DPF1: variants seen among roughly 807,000 people sequenced by gnomAD.
The protein encoded by DPF1 is double PHD fingers 1.
In DPF1, 14 loss-of-function variants were observed where a neutral mutation model predicts 58.7. The observed-to-expected ratio is 0.24, with a 90% CI of 0.16 to 0.37. DPF1 has a LOEUF of 0.37. DPF1 is among the 10% of genes least tolerant of loss of function. The pLI is 1.00. For synonymous variants in DPF1, 216 were observed against 216.0 expected (o/e 1.00, Z 0.00); for missense variants, 345 against 529.9 (o/e 0.65, Z 3.43).
chr19:38,219,099 C>T (rs749477091), intron 3 of DPF1, 41 bp from the exon 4 acceptor site: 4 of 1,608,678 alleles, frequency 2.5e-6, no homozygotes, highest in Non-Finnish European at 3.4e-6. Flanking sequence ...GGGAAGTTGA[C>T]CCCGGAGGAC....
intron 10 of DPF1, among the ~76,000 whole-genome samples, chr19:38,212,793 T>G (rs1973552388): frequency 6.9e-6 from 1 of 145,254 alleles, no homozygotes; most frequent in Non-Finnish European, 1.5e-5. Flanking sequence ...TTTTTTTTTT[T>G]TTTTTGAGAC....
In DPF1 at chr19:38,222,305, G is replaced by A; in HGVS notation, c.298+52C>T. 6.8e-7 allele frequency: 1 copy of A among 1,464,454 alleles called. No individual in the cohort carries two copies. The allele number at this position is 1,464,454 out of a possible 1,614,324, so 90.7% of individuals were successfully genotyped here. Reference sequence around the variant, plus strand: ...GATAAAGGTGATGGACGAGTGCTAGGACACACAGCAGGCGCTGGGACACCG... The same window carrying A: ...GATAAAGGTGATGGACGAGTGCTAGAACACACAGCAGGCGCTGGGACACCG... On this transcript the variant is annotated intron_variant, in intron 3 of 11. Transcript: ENST00000355526. This position sits in a 1 kb window ranked among gnomAD's most constrained non-coding sequence, Gnocchi z 4.9.
chr19:38,223,620 A>G (rs1479246889), intron 1 of DPF1: 1 of 152,898 alleles, frequency 6.5e-6, no homozygotes, highest in Non-Finnish European at 1.5e-5. Context: ...TATAGTTCCA[A>G]AGGACACGGA....
chr19:38,227,536 A>C (rs1433277771), upstream of DPF1, among the ~76,000 whole-genome samples: 2 of 152,092 alleles, frequency 1.3e-5, no homozygotes, highest in Non-Finnish European at 2.9e-5. Flanking sequence ...CTCCTGCCCC[A>C]TCCCCCAATG....
At chr19:38,219,375 A>C in intron 3 of DPF1, 1 of 361,886 alleles carries the variant, frequency 2.8e-6, no homozygotes, top group Non-Finnish European at 5.1e-6. Flanking sequence ...TACCCAGACA[A>C]ATATGGACAG....
upstream of DPF1, chr19:38,224,306 T>C (rs1425199763): frequency 7.1e-6 from 9 of 1,259,228 alleles, no homozygotes; most frequent in Admixed American, 3.8e-4. The surrounding 1 kb of genome is among the most constrained non-coding windows in gnomAD (Gnocchi z 4.5). Flanking sequence ...ATGCTGGGAG[T>C]GGTAGTCCCA....
At position 38,213,566 on chromosome 19, in the gene DPF1, G is replaced by A. The variant is rs534886128; in HGVS notation, c.1011+78C>T. The A allele has an allele frequency of 4.6e-6, 6 of 1,299,388 alleles. No homozygotes were observed. In the African/African-American group the frequency reaches 8.7e-5, roughly 19 times the overall value. 80.5% of individuals were successfully genotyped at this position (1,299,388 alleles called of 1,614,324 possible). A position where few individuals can be genotyped will look rare whatever the true frequency, so the allele number is the denominator to read the frequency against. Reference sequence around the variant, plus strand: ...TTCACCAGGGAAGGCTCAGGCACAGGCTTTAGGCTTAAGGGGCAGAGGTGG... The same window carrying A: ...TTCACCAGGGAAGGCTCAGGCACAGACTTTAGGCTTAAGGGGCAGAGGTGG... On this transcript the variant is annotated intron_variant, in intron 10 of 11. Coordinates refer to ENST00000355526, the MANE Select transcript of DPF1 (RefSeq NM_001135155.3).
chr19:38,224,398 T>C, upstream of DPF1: 1 of 831,088 alleles, frequency 1.2e-6, no homozygotes, highest in Non-Finnish European at 1.6e-6. This position sits in a 1 kb window ranked among gnomAD's most constrained non-coding sequence, Gnocchi z 4.5. Flanking sequence ...TCACCCGCCC[T>C]CACTCGTCCA....
chr19:38,223,906 C>G, intron 1 of DPF1: 2 of 550,052 alleles, frequency 3.6e-6, no homozygotes, highest in Non-Finnish European at 5.5e-6. Flanking sequence ...TGGAGGCCCC[C>G]CACGCCCTCC....
upstream of DPF1, among the ~76,000 whole-genome samples, chr19:38,226,503 T>TACACACACACACACACACACAC (rs60328056): frequency 6.7e-5 from 9 of 133,792 alleles, no homozygotes; most frequent in East Asian, 2.3e-4. Flanking sequence ...CGGTCACTTC[T>TACACACACACACACACACACAC]ACACACACAC....
At chr19:38,221,163 G>A (rs1967443720) in intron 3 of DPF1, among the ~76,000 whole-genome samples, 2 of 152,146 alleles carry the variant, frequency 1.3e-5, no homozygotes, top group South Asian at 2.1e-4. Context: ...AGAGAGGAAA[G>A]AGCTCCAACC....
upstream of DPF1, among the ~76,000 whole-genome samples, chr19:38,226,993 T>TCTTCCTTCCTTCCTTCCTTCCTTCCTTC (rs71179424): frequency 2.8e-5 from 2 of 71,714 alleles, no homozygotes; most frequent in South Asian, 4.7e-4. Context: ...CTTTTATTTC[T>TCTTCCTTCCTTCCTTCCTTCCTTCCTTC]CTTCCTTCCT....
At chr19:38,226,056 G>T (rs987190209), upstream of DPF1, among the ~76,000 whole-genome samples, 7 of 152,060 alleles carry the variant, frequency 4.6e-5, no homozygotes, top group Admixed American at 2.6e-4. Context: ...TGCCCTGGCG[G>T]CTCTTTGAAG....
chr19:38,212,238 T>TGGGGGGGGGGGGCG, intron 11 of DPF1, 42 bp downstream of exon 11: 1 of 585,194 alleles, frequency 1.7e-6, no homozygotes, highest in Non-Finnish European at 3.0e-6. Flanking sequence ...GAGATGGCGT[T>TGGGGGGGGGGGGCG]CCCACCCACC....
chr19:38,220,968 C>T (rs1047531111), intron 3 of DPF1, among the ~76,000 whole-genome samples: 5 of 152,194 alleles, frequency 3.3e-5, no homozygotes, highest in African/African-American at 7.2e-5. Flanking sequence ...ACACCTGATA[C>T]GCCAGACACC....
chr19:38,226,459 AAGAG>A (rs1967824062), upstream of DPF1, among the ~76,000 whole-genome samples: 1 of 146,982 alleles, frequency 6.8e-6, no homozygotes, highest in African/African-American at 2.5e-5. Context: ...AAATCCCCCC[AAGAG>A]AGAGATCCAG....
intron 9 of DPF1, 32 bp downstream of exon 9, chr19:38,216,108 G>A (rs1263883130): frequency 3.2e-6 from 5 of 1,586,424 alleles, no homozygotes; most frequent in East Asian, 4.5e-5. Flanking sequence ...CTCTGCACCC[G>A]GCCCCCAGAA....
upstream of DPF1, among the ~76,000 whole-genome samples, chr19:38,226,572 C>G (rs1002014145): frequency 6.6e-6 from 1 of 150,552 alleles, no homozygotes; most frequent in African/African-American, 2.5e-5. Flanking sequence ...CACAAACTCG[C>G]CCATCTAAGC....
Position 38,217,559 on chromosome 19 carries a change from GCCCCGGCCGGTT to G in DPF1, c.616_627del (p.Asn206_Gly209del). ...TGGGTGTGGGTGTAGTGGTAGCTGAGCCCCGGCCGGTTCTTATACCGTTTCCCACAGACTGGG... is the reference window on the plus strand; with the variant it reads ...TGGGTGTGGGTGTAGTGGTAGCTGAGCTTATACCGTTTCCCACAGACTGGG... On this transcript the variant is annotated inframe_deletion, in exon 7 of 12. Coordinates refer to ENST00000355526, the MANE Select transcript of DPF1 (RefSeq NM_001135155.3). 6.4e-7 allele frequency: 1 copy of G among 1,551,412 alleles called. No homozygotes were observed. The highest frequency in any genetic ancestry group is 8.7e-7 in the Non-Finnish European group (1 of 1,146,880).
Sources: allele counts gnomAD v4.1 joint callset (sites outside exome capture counted in the v4.1 genomes callset), GRCh38; gene constraint gnomAD v4.1.1; non-coding constraint Gnocchi (gnomAD v3.1); transcripts MANE v1.5; gene names NCBI Gene and HGNC (gene_info 2026-07-23, HGNC 2026-07-21).